Variants in GABRB3 observed in about 807,000 individuals in gnomAD.
GABRB3 encodes the protein gamma-aminobutyric acid type A receptor subunit beta3.
A neutral mutation model predicts 52.1 loss-of-function variants in GABRB3; 14 were observed. The ratio of observed to expected loss-of-function variants is 0.27; its 90% CI spans 0.18 to 0.42. The LOEUF (loss-of-function observed/expected upper bound fraction) is 0.42, where lower values mean the gene tolerates loss of function less well. GABRB3 is among the 10% of genes least tolerant of loss of function. The pLI, the probability that GABRB3 is intolerant of heterozygous loss-of-function variation, is 1.00. For synonymous variants in GABRB3, 260 were observed against 232.3 expected (o/e 1.12, Z -1.08); for missense variants, 307 against 609.1 (o/e 0.50, Z 5.22).
At chr15:26,744,121 C>G (rs979645477) in intron 3 of GABRB3, among the ~76,000 whole-genome samples, 1 of 152,130 alleles carries the variant, frequency 6.6e-6, no homozygotes, top group Non-Finnish European at 1.5e-5. Flanking sequence ...GAATTTTACA[C>G]GGGGCGAGGT....
intron 3 of GABRB3, among the ~76,000 whole-genome samples, chr15:26,769,210 G>GT (rs760806026): frequency 3.3e-5 from 5 of 152,132 alleles, no homozygotes; most frequent in African/African-American, 4.8e-5. Context: ...AGATACGTGT[G>GT]TTTTTCAAAG....
At chr15:26,631,201 A>AAGC (rs917437597) in intron 3 of GABRB3, among the ~76,000 whole-genome samples, 1 of 152,194 alleles carries the variant, frequency 6.6e-6, no homozygotes, top group Admixed American at 6.5e-5. Flanking sequence ...GAGTATATAC[A>AAGC]AGCAGCAGCA....
At chr15:26,719,075 G>GCAC (rs1889576390) in intron 3 of GABRB3, among the ~76,000 whole-genome samples, 1 of 152,250 alleles carries the variant, frequency 6.6e-6, no homozygotes, top group Non-Finnish European at 1.5e-5. Flanking sequence ...TTGCCTGCAT[G>GCAC]CACCACACTG....
At chr15:26,742,370 T>C (rs1363400587) in intron 3 of GABRB3, among the ~76,000 whole-genome samples, 3 of 128,558 alleles carry the variant, frequency 2.3e-5, no homozygotes, top group Non-Finnish European at 5.0e-5. Context: ...TAGTTTCTGG[T>C]CTATGATGTA....
intron 4 of GABRB3, among the ~76,000 whole-genome samples, chr15:26,606,842 A>ATAGATAGC (rs1402693074): frequency 2.7e-5 from 4 of 147,352 alleles, no homozygotes; most frequent in African/African-American, 7.4e-5. Context: ...AGATAGATAG[A>ATAGATAGC]TATGGTTAAA....
At chr15:26,607,853 T>C (rs61998671) in intron 4 of GABRB3, among the ~76,000 whole-genome samples, 48,885 of 151,890 alleles carry the variant, frequency 0.32, 9,388 homozygotes, top group Middle Eastern at 0.47. Flanking sequence ...AATATATCTG[T>C]ATTAGAAGGA....
chr15:26,593,381 T>G (rs921027103), intron 4 of GABRB3, among the ~76,000 whole-genome samples: 8 of 152,316 alleles, frequency 5.3e-5, no homozygotes, highest in Admixed American at 5.2e-4. Context: ...TGCATTCACA[T>G]TGGTGTGCGA....
intron 4 of GABRB3, among the ~76,000 whole-genome samples, chr15:26,591,869 G>A (rs1335378060): frequency 6.6e-6 from 1 of 152,162 alleles, no homozygotes; most frequent in Non-Finnish European, 1.5e-5. Context: ...TATTAAAAAT[G>A]TAGCTCCTCC....
At chr15:26,657,839 A>G (rs1303564163) in intron 3 of GABRB3, among the ~76,000 whole-genome samples, 7 of 152,178 alleles carry the variant, frequency 4.6e-5, no homozygotes, top group Non-Finnish European at 1.0e-4. Context: ...CAGCCTAACT[A>G]ACTTTGGGAG....
At chr15:26,683,017 T>C (rs28728437) in intron 3 of GABRB3, among the ~76,000 whole-genome samples, 24,434 of 152,140 alleles carry the variant, frequency 0.16, 2,084 homozygotes, top group Non-Finnish European at 0.2. Flanking sequence ...GCCGGCTCAC[T>C]GGGTTCTAGG....
chr15:26,771,526 C>T (rs1041603968), intron 3 of GABRB3, among the ~76,000 whole-genome samples: 1 of 152,200 alleles, frequency 6.6e-6, no homozygotes, highest in African/African-American at 2.4e-5. Context: ...TCCAGAGTGT[C>T]CCTCCGCAGA....
chr15:26,644,047 G>A (rs1023517116), intron 3 of GABRB3, among the ~76,000 whole-genome samples: 3 of 152,170 alleles, frequency 2.0e-5, no homozygotes, highest in Non-Finnish European at 4.4e-5. Flanking sequence ...GGCAGGAGGT[G>A]AGGGAAGGAA....
intron 6 of GABRB3, among the ~76,000 whole-genome samples, chr15:26,569,104 G>T (rs1448275044): frequency 6.6e-6 from 1 of 151,988 alleles, no homozygotes; most frequent in Non-Finnish European, 1.5e-5. Context: ...TTCTCCTCCT[G>T]CCCCTAAATA....
intron 3 of GABRB3, among the ~76,000 whole-genome samples, chr15:26,651,499 C>A (rs1887196352): frequency 6.6e-6 from 1 of 152,188 alleles, no homozygotes. Context: ...GTGTAAATAT[C>A]CCTTATATTA....
At chr15:26,566,571 A>T (rs1041068374) in intron 7 of GABRB3, among the ~76,000 whole-genome samples, 10 of 152,026 alleles carry the variant, frequency 6.6e-5, no homozygotes, top group Non-Finnish European at 1.0e-4. Flanking sequence ...ACAAAAAATT[A>T]AAAAATTAGC....
chr15:26,558,455 A>T (rs980200184), intron 8 of GABRB3, among the ~76,000 whole-genome samples: 1 of 152,162 alleles, frequency 6.6e-6, no homozygotes, highest in African/African-American at 2.4e-5. Context: ...CACAGGATAG[A>T]GCAAGAAAAC....
At chr15:26,556,437 C>A (rs1477083145) in intron 8 of GABRB3, among the ~76,000 whole-genome samples, 1 of 152,174 alleles carries the variant, frequency 6.6e-6, no homozygotes, top group Non-Finnish European at 1.5e-5. Context: ...GATGTTGAGT[C>A]TGCAGCTCTG....
chr15:26,707,395 G>A (rs1343943878), intron 3 of GABRB3, among the ~76,000 whole-genome samples: 1 of 152,188 alleles, frequency 6.6e-6, no homozygotes, highest in African/African-American at 2.4e-5. Flanking sequence ...GATGTTGAAT[G>A]AAAACTGTGG....
chr15:26,654,925 T>C (rs1887319985), intron 3 of GABRB3, among the ~76,000 whole-genome samples: 1 of 152,126 alleles, frequency 6.6e-6, no homozygotes, highest in African/African-American at 2.4e-5. Context: ...CTTGATTTCC[T>C]GGGGTTAGCT....
Sources: allele counts gnomAD v4.1 joint callset (sites outside exome capture counted in the v4.1 genomes callset), GRCh38; gene constraint gnomAD v4.1.1; transcripts MANE v1.5; gene names NCBI Gene and HGNC (gene_info 2026-07-23, HGNC 2026-07-21).